The following EZH1 variants were observed in gnomAD, a reference collection of about 807,000 sequenced individuals.
EZH1 encodes enhancer of zeste 1 polycomb repressive complex 2 subunit, also known as histone-lysine N-methyltransferase EZH1.
Under a neutral mutation model 100.5 loss-of-function variants are expected in EZH1, and 33 were observed. The ratio of observed to expected loss-of-function variants is 0.33; its 90% CI spans 0.25 to 0.44. The LOEUF is 0.44. Ranked by LOEUF, EZH1 falls within the 20% of genes least tolerant of loss-of-function variation. The pLI is 1.00. For missense variants in EZH1, 475 were observed against 928.4 expected (o/e 0.51, Z 6.35); for synonymous variants, 272 against 313.8 (o/e 0.87, Z 1.41).
At chr17:42,719,345 T>C (rs918535785) in intron 7 of EZH1, 138 bp from the exon 8 acceptor site, 2 of 673,328 alleles carry the variant, frequency 3.0e-6, no homozygotes, top group Non-Finnish European at 5.3e-6. Context: ...TTTGGAGATA[T>C]ATAAACATCA....
intron 1 of EZH1, among the ~76,000 whole-genome samples, chr17:42,734,644 G>A (rs2054028443): frequency 6.8e-6 from 1 of 147,362 alleles, no homozygotes; most frequent in South Asian, 2.2e-4. Flanking sequence ...ACTCCAGCCT[G>A]GGTGACAGAG....
At chr17:42,741,168 A>T (rs192159734) in intron 1 of EZH1, among the ~76,000 whole-genome samples, 1 of 152,298 alleles carries the variant, frequency 6.6e-6, no homozygotes, top group African/African-American at 2.4e-5. Context: ...TAGTGTTGCT[A>T]CCTCAAATCT....
chr17:42,738,741 C>T (rs886440118), intron 1 of EZH1, among the ~76,000 whole-genome samples: 14 of 148,266 alleles, frequency 9.4e-5, no homozygotes, highest in African/African-American at 2.8e-4. Context: ...CGTAAGCCAC[C>T]GGGCCTGGCC....
Position 42,718,724 on chromosome 17 carries a change from G to T in EZH1, c.768-107C>A. The T allele has an allele frequency of 1.7e-6, 2 of 1,187,310 alleles. No homozygotes were observed. The highest frequency in any genetic ancestry group is 1.2e-6 in the Non-Finnish European group (1 of 840,338). 73.5% of individuals were successfully genotyped at this position (1,187,310 alleles called of 1,614,324 possible). A position where few individuals can be genotyped will look rare whatever the true frequency, so the allele number is the denominator to read the frequency against. On this transcript the variant is annotated intron_variant, in intron 8 of 20. Transcript: ENST00000428826. This position sits in a 1 kb window ranked among gnomAD's most constrained non-coding sequence, Gnocchi z 4.2. ...CACCTACGGTCTGCCAAGGGAGGAT[G>T]GGTGTTTTTTATAGGTCTGGTTGAT... is the stretch of plus-strand genomic sequence containing the variant.
rs907629988 is a variant in EZH1 at position 42,707,968 on chromosome 17, G to A, written c.1650C>T (p.Cys550=). The A allele has an allele frequency of 7.4e-6, 12 of 1,613,746 alleles. No homozygotes were observed. The highest frequency in any genetic ancestry group is 2.7e-5 in the African/African-American group (2 of 74,974). The stretch of plus-strand genomic sequence containing the variant: ...ACGTAGCACACTTACAGTCTGGGTT[G>A]CACTGGCAGAACTTCTCACAGAAAT... The part of the protein sequence containing the change: ...TQNFCEKFCQ[C]NPDCQNRFPG... The change falls in exon 15 of 21, where the codon TGC becomes TGT. Residue 550 remains cysteine, a synonymous_variant. Transcript: ENST00000428826.
At chr17:42,709,146 A>G (rs2053422537) in intron 13 of EZH1, 2 of 578,888 alleles carry the variant, frequency 3.5e-6, no homozygotes, top group Admixed American at 3.0e-5. Flanking sequence ...AAACAAGCAA[A>G]TAACATAAAA....
chr17:42,705,371 G>A (rs2053331585), intron 16 of EZH1, among the ~76,000 whole-genome samples, 188 bp from the exon 17 acceptor site: 1 of 152,178 alleles, frequency 6.6e-6, no homozygotes, highest in Non-Finnish European at 1.5e-5. Context: ...AGGTGGTGAC[G>A]AACGGAAATA....
intron 15 of EZH1, 21 bp downstream of exon 15, chr17:42,707,937 C>T: frequency 1.9e-6 from 3 of 1,613,216 alleles, no homozygotes; most frequent in Non-Finnish European, 2.5e-6. Context: ...GTAGACTATA[C>T]AGAAAACGTA....
In EZH1 at chr17:42,745,035, G is replaced by A; in HGVS notation, c.-127C>T. The A allele has an allele frequency of 2.4e-6, 3 of 1,271,066 alleles. No homozygotes were observed. Among genetic ancestry groups the A allele is most frequent in the South Asian group, 1.3e-5 (1 of 78,028 alleles). 78.7% of individuals were successfully genotyped at this position (1,271,066 alleles called of 1,614,324 possible). A position where few individuals can be genotyped will look rare whatever the true frequency, so the allele number is the denominator to read the frequency against. Reference sequence around the variant, plus strand: ...CCCTCCATCCCGAGCCGCGGGTCCCGCTGCTAGGACGCATGCGCGCCGCGG... The same window carrying A: ...CCCTCCATCCCGAGCCGCGGGTCCCACTGCTAGGACGCATGCGCGCCGCGG... On this transcript the variant is annotated 5_prime_UTR_variant, in exon 1 of 21. Coordinates refer to ENST00000428826, the MANE Select transcript of EZH1 (RefSeq NM_001991.5).
At chr17:42,704,318 C>T (rs1225904363) in intron 18 of EZH1, among the ~76,000 whole-genome samples, 1 of 152,114 alleles carries the variant, frequency 6.6e-6, no homozygotes, top group Non-Finnish European at 1.5e-5. Context: ...GCGGGTGGAT[C>T]ACTTGAGGCC....
At chr17:42,702,693 G>T in intron 20 of EZH1, 101 bp from the exon 21 acceptor site, 2 of 1,341,924 alleles carry the variant, frequency 1.5e-6, no homozygotes, top group Non-Finnish European at 1.1e-6. Flanking sequence ...ACTCCTTAAG[G>T]GCTGTTTACA....
intron 4 of EZH1, among the ~76,000 whole-genome samples, chr17:42,726,395 A>G (rs2053821811): frequency 6.6e-6 from 1 of 151,524 alleles, no homozygotes; most frequent in South Asian, 2.1e-4. Flanking sequence ...TAAAAATATT[A>G]TCTATTTCCC....
chr17:42,727,516 T>C, intron 4 of EZH1, 119 bp downstream of exon 4: 1 of 1,239,600 alleles, frequency 8.1e-7, no homozygotes, highest in Non-Finnish European at 1.1e-6. Context: ...TAGCTGGGAA[T>C]ACTTGTGTGA....
In EZH1 at chr17:42,728,868, C is replaced by T; in HGVS notation, c.74G>A (p.Arg25Gln). The T allele has an allele frequency of 1.9e-6, 3 of 1,613,684 alleles. No homozygotes were observed. Among genetic ancestry groups the T allele is most frequent in the Non-Finnish European group, 1.7e-6 (2 of 1,179,856 alleles). ...CTGAAGCCGTTTAAGTTGTCGAAGT[C>T]GCATGTATTCAGATTTCACTTTTCT... ...WKRKVKSEYM[R>Q]LRQLKRLQAN... Residue 25 changes from arginine to glutamine, a missense_variant, in exon 3 of 21, where the codon CGA (arginine) becomes CAA (glutamine). By Grantham distance (43) the Arg-to-Gln change is conservative. This residue lies in a region of EZH1 where 105 missense variants were observed against 129.8 expected (regional missense o/e 0.81). Transcript: ENST00000428826.
intron 4 of EZH1, 51 bp from the exon 5 acceptor site, chr17:42,724,475 G>A (rs1345546940): frequency 1.9e-6 from 3 of 1,598,122 alleles, no homozygotes; most frequent in Admixed American, 1.7e-5. Context: ...TATAACCCAA[G>A]AAAGAAATGT....
At chr17:42,742,028 T>C (rs1396485262) in intron 1 of EZH1, among the ~76,000 whole-genome samples, 1 of 152,096 alleles carries the variant, frequency 6.6e-6, no homozygotes, top group African/African-American at 2.4e-5. Flanking sequence ...CAAAGGCAAA[T>C]ATATAAGAAA....
intron 2 of EZH1, among the ~76,000 whole-genome samples, chr17:42,730,094 A>C (rs2053911106): frequency 6.6e-6 from 1 of 152,132 alleles, no homozygotes; most frequent in Non-Finnish European, 1.5e-5. Flanking sequence ...ACAAAATTTC[A>C]CATCAGCAAT....
At chr17:42,744,488 T>C (rs753098459) in intron 1 of EZH1, among the ~76,000 whole-genome samples, 5 of 152,132 alleles carry the variant, frequency 3.3e-5, no homozygotes, top group Non-Finnish European at 5.9e-5. Context: ...AGTGCTCCTT[T>C]ACACTTTGTG....
chr17:42,716,153 G>T (rs2053601043), intron 10 of EZH1, among the ~76,000 whole-genome samples: 1 of 151,618 alleles, frequency 6.6e-6, no homozygotes, highest in Admixed American at 6.6e-5. Context: ...ACCTATTCTT[G>T]GTACAGCTGA....
Sources: gnomAD v4.1 joint callset for allele counts (sites outside exome capture counted in the v4.1 genomes callset) on GRCh38, gnomAD v4.1.1 for gene constraint, gnomAD v4.1.1 regional missense constraint, Gnocchi (gnomAD v3.1) non-coding constraint, MANE v1.5 for transcripts, NCBI Gene and HGNC (gene_info 2026-07-23, HGNC 2026-07-21) for gene names.